SYNE3: variants seen among roughly 807,000 people sequenced by gnomAD.
SYNE3 encodes the protein nesprin-3.
Under a neutral mutation model 111.2 loss-of-function variants are expected in SYNE3, and 100 were observed. The observed-to-expected ratio is 0.90, with a 90% CI of 0.77 to 1.06. The LOEUF is 1.06. SYNE3 is among the 50% of genes least tolerant of loss of function. SYNE3 has a pLI of 0.00. For missense variants in SYNE3, 1,160 were observed against 1,240.3 expected (o/e 0.94, Z 0.97); for synonymous variants, 547 against 533.9 (o/e 1.02, Z -0.34).
At chr14:95,465,704 AG>A (rs1230174954) in intron 4 of SYNE3, among the ~76,000 whole-genome samples, 1 of 151,976 alleles carries the variant, frequency 6.6e-6, no homozygotes, top group Non-Finnish European at 1.5e-5. Flanking sequence ...TGGATAGTGA[AG>A]GGGAGATTTG....
At position 95,485,506 on chromosome 14, in the gene SYNE3, C is replaced by G. The variant is rs1889498545; in HGVS notation, c.-14-9671G>C. On this transcript the variant is annotated intron_variant, in intron 1 of 17. Transcript: ENST00000682763. This position sits in a 1 kb window ranked among gnomAD's most constrained non-coding sequence, Gnocchi z 4.3. ...CTGCTCCCCGACCAAAGACAGGACGCCCTAACCTACAGGTGCTAGGAGCTC... is the reference window on the plus strand; with the variant it reads ...CTGCTCCCCGACCAAAGACAGGACGGCCTAACCTACAGGTGCTAGGAGCTC... 6.6e-6 allele frequency among the ~76,000 whole-genome samples: 1 copy of G among 152,120 alleles called. No individual in the cohort carries two copies. Among genetic ancestry groups the G allele is most frequent in the African/African-American group, 2.4e-5 (1 of 41,406 alleles).
At chr14:95,450,191 G>A (rs1424063540) in intron 7 of SYNE3, 86 bp from the exon 8 acceptor site, 18 of 1,462,098 alleles carry the variant, frequency 1.2e-5, no homozygotes, top group East Asian at 5.0e-5. Flanking sequence ...ACCCTCAAGA[G>A]GCCCAGCATG....
Position 95,432,124 on chromosome 14 carries a change from T to C in SYNE3, c.2689-7A>G, listed in dbSNP as rs1885805122. Reference sequence around the variant, plus strand: ...CCCCTGGAGAACTTTGTGTCTGTTATTTTAGGGAAGGAGAGGAAAAGGGGG... The same window carrying C: ...CCCCTGGAGAACTTTGTGTCTGTTACTTTAGGGAAGGAGAGGAAAAGGGGG... On this transcript the variant is annotated splice_region_variant and splice_polypyrimidine_tract_variant and intron_variant, in intron 16 of 17. Coordinates refer to ENST00000682763, the MANE Select transcript of SYNE3 (RefSeq NM_152592.6). The C allele has an allele frequency of 6.2e-7, 1 of 1,611,264 alleles. No individual in the cohort carries two copies.
chr14:95,418,884 G>A (rs1322060472), intron 17 of SYNE3, among the ~76,000 whole-genome samples: 4 of 151,910 alleles, frequency 2.6e-5, no homozygotes, highest in African/African-American at 4.8e-5. Context: ...TTATAGGTGT[G>A]AGCCACCGCG....
chr14:95,477,892 CA>C (rs930252905), intron 1 of SYNE3, among the ~76,000 whole-genome samples: 15 of 152,186 alleles, frequency 9.9e-5, no homozygotes, highest in Non-Finnish European at 2.9e-5. Context: ...GAATGGCTTC[CA>C]AAAACTCAGC....
At chr14:95,495,969 A>G (rs1890075338) in intron 1 of SYNE3, among the ~76,000 whole-genome samples, 1 of 152,180 alleles carries the variant, frequency 6.6e-6, no homozygotes, top group African/African-American at 2.4e-5. Context: ...CTTGAAATGA[A>G]TCAGGCAGAG....
At chr14:95,433,787 C>T (rs115074164) in intron 15 of SYNE3, among the ~76,000 whole-genome samples, 2,799 of 152,272 alleles carry the variant, frequency 0.018, 96 homozygotes, top group African/African-American at 0.064. Context: ...TTTTAATGTG[C>T]AGATTTTTCT....
chr14:95,440,144 C>G (rs1373498981), intron 11 of SYNE3, 69 bp from the exon 12 acceptor site: 1 of 1,509,682 alleles, frequency 6.6e-7, no homozygotes, highest in Non-Finnish European at 8.8e-7. Flanking sequence ...CGCACCACCC[C>G]CACCCTGCAG....
At chr14:95,513,036 T>A (rs1890777674) in intron 1 of SYNE3, among the ~76,000 whole-genome samples, 1 of 152,080 alleles carries the variant, frequency 6.6e-6, no homozygotes, top group African/African-American at 2.4e-5. Context: ...TTCCCTTGCC[T>A]TTTTCTTTTT....
At position 95,436,871 on chromosome 14, in the gene SYNE3, T is replaced by G; in HGVS notation, c.2487A>C (p.Ala829=). The change falls in exon 15 of 18, where the codon GCA becomes GCC. Residue 829 remains alanine (A), a synonymous_variant. Coordinates refer to ENST00000682763, the MANE Select transcript of SYNE3 (RefSeq NM_152592.6). The part of the protein sequence containing the change: ...VENSKLVRII[A]MRTSTAEDLR... The stretch of plus-strand genomic sequence containing the variant: ...AGTCCTCAGCTGTAGAAGTTCTCAT[T>G]GCGATGATTCTAACCAGCTTGGAGT... 1 of 1,614,202 alleles carries G rather than the reference T, an allele frequency of 6.2e-7. No individual in the cohort carries two copies. The highest frequency in any genetic ancestry group is 8.5e-7 in the Non-Finnish European group (1 of 1,180,036).
At chr14:95,483,224 C>T (rs2139542204) in intron 1 of SYNE3, among the ~76,000 whole-genome samples, 1 of 152,306 alleles carries the variant, frequency 6.6e-6, no homozygotes, top group Admixed American at 6.5e-5. Flanking sequence ...GATTCAGACC[C>T]AGGTAAACCC....
chr14:95,471,332 ACT>A (rs1465283002), intron 2 of SYNE3, among the ~76,000 whole-genome samples: 21 of 152,296 alleles, frequency 1.4e-4, no homozygotes, highest in Admixed American at 1.2e-3. Flanking sequence ...TGGTGTCCTG[ACT>A]GTGTGGTCCC....
chr14:95,469,161 G>C (rs960314963), intron 2 of SYNE3, among the ~76,000 whole-genome samples: 2 of 152,114 alleles, frequency 1.3e-5, no homozygotes, highest in East Asian at 3.9e-4. Flanking sequence ...CAGATCCCCA[G>C]CCCGTCTCCC....
chr14:95,490,470 T>G (rs918585307), intron 1 of SYNE3, among the ~76,000 whole-genome samples: 1 of 152,240 alleles, frequency 6.6e-6, no homozygotes, highest in Admixed American at 6.5e-5. Flanking sequence ...TGGCCAGCCC[T>G]TTATTACAGA....
At chr14:95,461,939 G>C (rs1392492759) in intron 4 of SYNE3, among the ~76,000 whole-genome samples, 4 of 152,206 alleles carry the variant, frequency 2.6e-5, no homozygotes, top group Admixed American at 6.5e-5. Flanking sequence ...GGGGCTGGAG[G>C]GCTGGGGACA....
intron 2 of SYNE3, among the ~76,000 whole-genome samples, chr14:95,473,384 C>A (rs1888652448): frequency 6.6e-6 from 1 of 152,016 alleles, no homozygotes; most frequent in Admixed American, 6.5e-5. Flanking sequence ...ATGCTAAGCA[C>A]CCTAACACAG....
In SYNE3 at chr14:95,495,158, G is replaced by A. The variant is rs1193058568; in HGVS notation, c.-14-19323C>T. ...AAAAGAAAGAAAAAAAAGGCCATGG[G>A]TTCAGATAGAAGGGTCTTTTCTCAA... On this transcript the variant is annotated intron_variant, in intron 1 of 17. Transcript: ENST00000682763. 5.3e-5 allele frequency among the ~76,000 whole-genome samples: 8 copies of A among 152,148 alleles called. No homozygotes were observed. The East Asian group carries it at 1.5e-3, about 29-fold the overall frequency.
At position 95,419,207 on chromosome 14, in the gene SYNE3, A is replaced by G. The variant is rs1476337011; in HGVS notation, c.2728-1181T>C. 5.3e-5 allele frequency among the ~76,000 whole-genome samples: 8 copies of G among 152,314 alleles called. No homozygotes were observed. The East Asian group carries it at 1.5e-3, about 29-fold the overall frequency. On this transcript the variant is annotated intron_variant, in intron 17 of 17. Coordinates refer to ENST00000682763, the MANE Select transcript of SYNE3 (RefSeq NM_152592.6). ...GGCCCTCATGGTCAAGATGCTGCAG[A>G]GTGCAGGACGAGCCCAGCTTTTAGG...
rs1260118125 is a variant in SYNE3, at chr14:95,512,197, A to C, written c.-15+4399T>G. On this transcript the variant is annotated intron_variant, in intron 1 of 17. Transcript: ENST00000682763. ...TGACACATAAAATCATGTGTCATAC[A>C]ACAGAATTTTTTGCTTTATTTTTTA... is the stretch of plus-strand genomic sequence containing the variant. 2.0e-5 allele frequency among the ~76,000 whole-genome samples: 3 copies of C among 152,302 alleles called. No homozygotes were observed. In the East Asian group the frequency reaches 5.8e-4, roughly 29 times the overall value.
Sources: allele counts gnomAD v4.1 joint callset (sites outside exome capture counted in the v4.1 genomes callset), GRCh38; gene constraint gnomAD v4.1.1; non-coding constraint Gnocchi (gnomAD v3.1); transcripts MANE v1.5; gene names NCBI Gene and HGNC (gene_info 2026-07-23, HGNC 2026-07-21).